The following CPLANE1 variants were observed in gnomAD, a reference collection of about 807,000 sequenced individuals.
CPLANE1 encodes ciliogenesis and planar polarity effector 1.
In CPLANE1, 263 loss-of-function variants were observed where a neutral mutation model predicts 362.5. The ratio of observed to expected loss-of-function variants is 0.73; its 90% CI spans 0.66 to 0.80. CPLANE1 has a LOEUF of 0.80. Among genes scored for constraint, CPLANE1 ranks in the 30% least tolerant of loss-of-function variants. The pLI is 0.00. For missense variants in CPLANE1, 3,461 were observed against 3,793.4 expected, an observed-to-expected ratio of 0.91 and a Z score of 2.30; for synonymous variants, 1,212 against 1,302.6, an observed-to-expected ratio of 0.93 and a Z score of 1.50.
chr5:37,079,870 T>C, the CPLANE1 span, among the ~76,000 whole-genome samples: 1 of 152,248 alleles, frequency 6.6e-6, no homozygotes, highest in Non-Finnish European at 1.5e-5. Flanking sequence ...GGTGATTATT[T>C]GAATTGTTGA....
chr5:37,138,011 T>C (rs768695813), intron 46 of CPLANE1, among the ~76,000 whole-genome samples: 8 of 152,114 alleles, frequency 5.3e-5, no homozygotes, highest in South Asian at 2.1e-4. Flanking sequence ...AAAGAATGTA[T>C]ATTCTGTGGT....
At chr5:37,240,045 G>A (rs1411789574) in intron 6 of CPLANE1, among the ~76,000 whole-genome samples, 176 bp from the exon 7 acceptor site, 1 of 152,086 alleles carries the variant, frequency 6.6e-6, no homozygotes, top group Admixed American at 6.6e-5. Flanking sequence ...GCCTGAGACT[G>A]AGTAATTTAT....
intron 29 of CPLANE1, among the ~76,000 whole-genome samples, chr5:37,178,576 G>T (rs1781834137): frequency 6.7e-6 from 1 of 150,074 alleles, no homozygotes; most frequent in African/African-American, 2.5e-5. Flanking sequence ...TCGTGCCACT[G>T]CACTCCAGCT....
chr5:37,238,056 C>T (rs1408951518), intron 8 of CPLANE1, among the ~76,000 whole-genome samples: 1 of 152,158 alleles, frequency 6.6e-6, no homozygotes, highest in Non-Finnish European at 1.5e-5. Context: ...GTGACACACA[C>T]CTGTAGTCCC....
the CPLANE1 span, among the ~76,000 whole-genome samples, chr5:37,091,405 C>G: frequency 6.6e-6 from 1 of 152,138 alleles, no homozygotes. Context: ...TATGCCAGCT[C>G]ACAATTTCAA....
chr5:37,231,081 G>A (rs760679342), intron 8 of CPLANE1, 32 bp from the exon 9 acceptor site: 60 of 1,441,504 alleles, frequency 4.2e-5, no homozygotes, highest in Non-Finnish European at 5.2e-5. Context: ...ATGTTTAGAA[G>A]AGATACTTTA....
the CPLANE1 span, among the ~76,000 whole-genome samples, chr5:37,100,060 T>C: frequency 6.6e-6 from 1 of 152,210 alleles, no homozygotes; most frequent in African/African-American, 2.4e-5. Flanking sequence ...TTCTGTAGGT[T>C]GTCTGTTCAC....
At chr5:37,243,887 G>A (rs1484551315) in intron 5 of CPLANE1, among the ~76,000 whole-genome samples, 2 of 146,922 alleles carry the variant, frequency 1.4e-5, no homozygotes, top group African/African-American at 5.0e-5. Flanking sequence ...TTTCACTCTC[G>A]TTGCCCAGGC....
intron 15 of CPLANE1, among the ~76,000 whole-genome samples, chr5:37,215,813 A>C (rs2150286226): frequency 7.4e-6 from 1 of 135,860 alleles, no homozygotes; most frequent in East Asian, 2.2e-4. Flanking sequence ...AAAAGCACTG[A>C]TATAAGATTT....
At chr5:37,108,956 A>G (rs969949330) in intron 51 of CPLANE1, among the ~76,000 whole-genome samples, 1 of 152,182 alleles carries the variant, frequency 6.6e-6, no homozygotes, top group African/African-American at 2.4e-5. Flanking sequence ...CTTACTGCAT[A>G]TATCAGTATT....
Position 37,158,236 on chromosome 5 carries a change from T to A in CPLANE1, c.7800A>T (p.Thr2600=). Reference sequence around the variant, plus strand: ...ATAAAACACAAACCAAGTTTGTTACTGTATGAGGTATTGAGGGTGACCAAG... The same window carrying A: ...ATAAAACACAAACCAAGTTTGTTACAGTATGAGGTATTGAGGGTGACCAAG... ...EKPWSPSIPH[T]VTNLVGHTYI... is the part of the protein sequence containing the mutation. Residue 2600 remains threonine, a synonymous_variant, in exon 39 of 53, where the codon ACA becomes ACT. Transcript: ENST00000651892. 6.2e-7 allele frequency: 1 copy of A among 1,613,732 alleles called. No homozygotes were observed. Among genetic ancestry groups the A allele is most frequent in the Non-Finnish European group, 8.5e-7 (1 of 1,179,786 alleles).
At chr5:37,210,957 A>G (rs1792425793) in intron 16 of CPLANE1, 1 of 781,206 alleles carries the variant, frequency 1.3e-6, no homozygotes, top group Admixed American at 1.7e-5. Context: ...CAAAGTTTCC[A>G]TAAAGAGGTT....
the CPLANE1 span, among the ~76,000 whole-genome samples, chr5:37,082,733 G>T: frequency 3.3e-5 from 5 of 150,590 alleles, 2 homozygotes; most frequent in Admixed American, 3.3e-4. Context: ...GAAAGTGAAG[G>T]GATGGAAAGA....
intron 46 of CPLANE1, among the ~76,000 whole-genome samples, chr5:37,133,763 G>A (rs531484411): frequency 2.0e-5 from 3 of 151,990 alleles, no homozygotes; most frequent in South Asian, 2.1e-4. Flanking sequence ...GATGCCTTAC[G>A]TTTATTTCTC....
downstream of CPLANE1, among the ~76,000 whole-genome samples, chr5:37,103,112 T>C (rs1021741693): frequency 1.4e-4 from 22 of 152,222 alleles, no homozygotes; most frequent in Non-Finnish European, 3.1e-4. Context: ...TTAGCTCTTG[T>C]TGAATTGAAT....
Position 37,120,341 on chromosome 5 carries a change from C to T in CPLANE1, c.9186-1G>A. The T allele has an allele frequency of 6.4e-7, 1 of 1,564,442 alleles. No individual in the cohort carries two copies. Among genetic ancestry groups the T allele is most frequent in the East Asian group, 2.3e-5 (1 of 43,060 alleles). ...AAAACTGTGACCATGTTGATTCTCT[C>T]TATAGTAGAAATCACATAATTATTA... On this transcript the variant is annotated splice_acceptor_variant, in intron 49 of 52. Transcript: ENST00000651892. LOFTEE classifies it high-confidence loss of function.
At chr5:37,179,958 AT>A in intron 28 of CPLANE1, 58 bp downstream of exon 28, 1 of 1,176,362 alleles carries the variant, frequency 8.5e-7, no homozygotes, top group East Asian at 2.7e-5. Flanking sequence ...CTCAGATAAT[AT>A]TATTTACCAA....
chr5:37,121,251 C>A (rs527755291), intron 49 of CPLANE1, among the ~76,000 whole-genome samples: 41 of 152,238 alleles, frequency 2.7e-4, no homozygotes, highest in African/African-American at 9.6e-4. Flanking sequence ...TGGGGACTGG[C>A]TGTTTCTGAA....
intron 24 of CPLANE1, among the ~76,000 whole-genome samples, chr5:37,185,976 A>G (rs1783863193): frequency 6.6e-6 from 1 of 152,232 alleles, no homozygotes; most frequent in Non-Finnish European, 1.5e-5. Flanking sequence ...CTGAATACAC[A>G]TCATAAAGCA....
Sources: gnomAD v4.1 joint callset for allele counts (sites outside exome capture counted in the v4.1 genomes callset) on GRCh38, gnomAD v4.1.1 for gene constraint, MANE v1.5 for transcripts, NCBI Gene and HGNC (gene_info 2026-07-23, HGNC 2026-07-21) for gene names.